Variants in TREH observed in about 807,000 individuals in gnomAD.
TREH encodes the protein alpha,alpha-trehalose glucohydrolase.
In TREH, 69 loss-of-function variants were observed where a neutral mutation model predicts 80.5. The observed-to-expected ratio is 0.86, with a 90% CI of 0.71 to 1.05. The LOEUF is 1.05. Among genes scored for constraint, TREH ranks in the 50% least tolerant of loss-of-function variants. The pLI is 0.00. For missense variants in TREH, 716 were observed against 718.8 expected (o/e 1.00, Z 0.04); for synonymous variants, 309 against 293.5 (o/e 1.05, Z -0.54).
rs1198593830 is a variant in TREH at position 118,658,449 on chromosome 11, A to G, written c.1600-8T>C. 3.1e-6 allele frequency: 5 copies of G among 1,610,178 alleles called. No homozygotes were observed. The highest frequency in any genetic ancestry group is 1.3e-5 in the African/African-American group (1 of 74,830). On this transcript the variant is annotated splice_region_variant and splice_polypyrimidine_tract_variant and intron_variant, in intron 14 of 14. Transcript: ENST00000264029. Reference sequence around the variant, plus strand: ...CGTCCAGCCAAATCCCTCCTGGGAGAGGCAGGGCAGTGGGGCCAGTTTCTG... The same window carrying G: ...CGTCCAGCCAAATCCCTCCTGGGAGGGGCAGGGCAGTGGGGCCAGTTTCTG...
chr11:118,661,085 C>T lies in TREH; in HGVS notation c.857+75G>A. The T allele has an allele frequency of 6.2e-7, 1 of 1,602,926 alleles. No individual in the cohort carries two copies. The highest frequency in any genetic ancestry group is 8.5e-7 in the Non-Finnish European group (1 of 1,173,170). On this transcript the variant is annotated intron_variant, in intron 8 of 14. Transcript: ENST00000264029. This position sits in a 1 kb window ranked among gnomAD's most constrained non-coding sequence, Gnocchi z 4.2. ...AGGCCAGGCTAAGTCACTCCTCCTC[C>T]TGCCCGGGGCATTGTGATGCTCTAA... is the stretch of plus-strand genomic sequence containing the variant.
intron 1 of TREH, among the ~76,000 whole-genome samples, chr11:118,679,245 G>A (rs656505): frequency 0.35 from 52,923 of 151,678 alleles, 9,509 homozygotes; most frequent in Admixed American, 0.48. Flanking sequence ...GCTGAGGCAC[G>A]AGAATCTCTC....
At chr11:118,667,270 C>T (rs1057377780) in intron 1 of TREH, among the ~76,000 whole-genome samples, 2 of 152,164 alleles carry the variant, frequency 1.3e-5, no homozygotes, top group Admixed American at 6.5e-5. Flanking sequence ...CCTCAATCTC[C>T]CAGGCCCAGG....
rs1555144045 is a variant in TREH at position 118,658,699 on chromosome 11, C to T, written c.1580G>A (p.Gly527Glu). The T allele has an allele frequency of 3.1e-6, 5 of 1,599,140 alleles. No homozygotes were observed. Among genetic ancestry groups the T allele is most frequent in the South Asian group, 2.2e-5 (2 of 89,080 alleles). The change falls in exon 14 of 15, where the codon GGA (glycine) becomes GAA (glutamate). Residue 527 changes from glycine (G) to glutamate (E), a missense_variant. Physicochemically the swap from Gly to Glu is moderately conservative, Grantham distance 98. Coordinates refer to ENST00000264029, the MANE Select transcript of TREH (RefSeq NM_007180.3). The part of the protein sequence containing the change: ...DVSNGGQPGG[G>E]GEYEVQEGFG... Reference sequence around the variant, plus strand: ...GCTCACCTGAACTTCATATTCTCCTCCCCCACCGGGCTGTCCACCGTTGCT... The same window carrying T: ...GCTCACCTGAACTTCATATTCTCCTTCCCCACCGGGCTGTCCACCGTTGCT...
rs782073737 is a variant in TREH, at chr11:118,658,712, GT to G, written c.1566del (p.Gln523SerfsTer22). ...MYEKYDVSNG[G>X]QPGGGGEYEV... ...TCATATTCTCCTCCCCCACCGGGCT[GT>G]CCACCGTTGCTGACGTCATACTGGG... On this transcript the variant is annotated frameshift_variant, in exon 14 of 15. Transcript: ENST00000264029. LOFTEE classifies it high-confidence loss of function. 3 of 1,604,208 alleles carry G rather than the reference GT, an allele frequency of 1.9e-6. No individual in the cohort carries two copies. The Admixed American group carries it at 5.1e-5, about 28-fold the overall frequency.
rs560231528 is a variant in TREH, at chr11:118,661,215, A to G, written c.802T>C (p.Leu268=). The change falls in exon 8 of 15, where the codon TTG becomes CTG. Residue 268 remains leucine (L), a synonymous_variant. Transcript: ENST00000264029. The surrounding 1 kb of genome is among the most constrained non-coding windows in gnomAD (Gnocchi z 4.2). The part of the protein sequence containing the change: ...WTKNRTVSVS[L]EGKNYLLNRY... ...TTCAGGAGGTAGTTCTTTCCCTCCAAGCTCACAGAGACAGTCCTGTTCTTG... is the reference window on the plus strand; with the variant it reads ...TTCAGGAGGTAGTTCTTTCCCTCCAGGCTCACAGAGACAGTCCTGTTCTTG... The G allele has an allele frequency of 3.8e-5, 61 of 1,614,004 alleles. No homozygotes were observed. The highest frequency in any genetic ancestry group is 1.6e-4 in the East Asian group (7 of 44,884).
rs1555144823 is a variant in TREH, at chr11:118,660,875, A to G, written c.898T>C (p.Leu300=). Residue 300 remains leucine (L), a synonymous_variant, in exon 9 of 15, where the codon TTG becomes CTG. Transcript: ENST00000264029. ...YSKDVELADT[L]PEGDREALWA... ...CCCTCCTGCTGCTCACCTTCTGGCA[A>G]GGTGTCAGCCAACTCCACATCTTTG... The G allele has an allele frequency of 5.7e-6, 9 of 1,569,472 alleles. No homozygotes were observed. Among genetic ancestry groups the G allele is most frequent in the Non-Finnish European group, 7.8e-6 (9 of 1,156,620 alleles).
rs879950577 is a variant in TREH at position 118,659,256 on chromosome 11, G to A, written c.1432+114C>T. The A allele has an allele frequency of 3.0e-5, 28 of 941,800 alleles. No individual in the cohort carries two copies. The South Asian group carries it at 3.1e-4, about 11-fold the overall frequency. The allele number at this position is 941,800 out of a possible 1,614,324, so 58.3% of individuals were successfully genotyped here. On this transcript the variant is annotated intron_variant, in intron 12 of 14. Transcript: ENST00000264029. ...GTGGAGGCCAGGAGAGCAGAGGAGCGAGAGAAAGGATACGGGGCCTCTTGT... is the reference window on the plus strand; with the variant it reads ...GTGGAGGCCAGGAGAGCAGAGGAGCAAGAGAAAGGATACGGGGCCTCTTGT...
At position 118,674,880 on chromosome 11, in the gene TREH, C is replaced by G. The variant is rs113941645; in HGVS notation, c.89+4659G>C. On this transcript the variant is annotated intron_variant, in intron 1 of 14. Transcript: ENST00000264029. The surrounding 1 kb of genome is among the most constrained non-coding windows in gnomAD (Gnocchi z 4.4). Reference sequence around the variant, plus strand: ...CTCTCAATCTCATTGCAGTGCCCATCAGGACTTCAGCAGGTGTTTTTGGTA... The same window carrying G: ...CTCTCAATCTCATTGCAGTGCCCATGAGGACTTCAGCAGGTGTTTTTGGTA... Among the ~76,000 whole-genome samples the G allele has an allele frequency of 0.016, 2,490 of 152,272 alleles. 41 individuals are homozygous for G. Among genetic ancestry groups the G allele is most frequent in the Non-Finnish European group, 0.028 (1,880 of 68,016 alleles).
intron 13 of TREH, 35 bp from the exon 14 acceptor site, chr11:118,658,768 T>C (rs1949261405): frequency 6.2e-7 from 1 of 1,610,478 alleles, no homozygotes; most frequent in African/African-American, 1.3e-5. Flanking sequence ...TGTCAGGTAC[T>C]GCCCCCCAGC....
Position 118,659,845 on chromosome 11 carries a change from T to A in TREH, c.1222A>T (p.Lys408Ter). The A allele has an allele frequency of 1.9e-6, 3 of 1,559,920 alleles. No homozygotes were observed. In the Admixed American group the frequency reaches 5.8e-5, roughly 30 times the overall value. The change falls in exon 11 of 15, where the codon AAG becomes TAG. Residue 408 changes from lysine (K) to a stop codon, truncating the protein, a stop_gained. Coordinates refer to ENST00000264029, the MANE Select transcript of TREH (RefSeq NM_007180.3). LOFTEE classifies it high-confidence loss of function. ...AWFDYDLEKK[K>*]KNREFYPSNL... ...GATGGGTAAAACTCCCGGTTTTTCT[T>A]CTTCTTCTCAAGGTCGTAATCGAAC... is the stretch of plus-strand genomic sequence containing the variant.
At chr11:118,675,072 G>T (rs34413584) in intron 1 of TREH, among the ~76,000 whole-genome samples, 48,157 of 151,776 alleles carry the variant, frequency 0.32, 7,986 homozygotes, top group Admixed American at 0.46. Flanking sequence ...CTCCCCAAAA[G>T]TTAGTGATCA....
intron 1 of TREH, among the ~76,000 whole-genome samples, chr11:118,671,647 A>C (rs1166643586): frequency 2.6e-5 from 4 of 152,214 alleles, no homozygotes; most frequent in African/African-American, 9.6e-5. Flanking sequence ...GGATAATAAC[A>C]GAGAACTTCC....
chr11:118,659,871 C>T lies in TREH; in HGVS notation c.1196G>A (p.Trp399Ter). The change falls in exon 11 of 15, where the codon TGG becomes TAG. Residue 399 changes from tryptophan to a stop codon, truncating the protein, a stop_gained. Transcript: ENST00000264029. LOFTEE classifies it high-confidence loss of function. ...TVLWDEQTGA[W>*]FDYDLEKKKK... ...CTTCTTCTCAAGGTCGTAATCGAACCAGGCTCCGGTCTGCTCATCCCACAG... is the reference window on the plus strand; with the variant it reads ...CTTCTTCTCAAGGTCGTAATCGAACTAGGCTCCGGTCTGCTCATCCCACAG... The T allele has an allele frequency of 1.9e-6, 3 of 1,552,524 alleles. No homozygotes were observed. Among genetic ancestry groups the T allele is most frequent in the Non-Finnish European group, 2.6e-6 (3 of 1,147,344 alleles).
chr11:118,661,516 A>G lies in TREH; in HGVS notation c.618-7T>C. Reference sequence around the variant, plus strand: ...ATTGGGGACATGCCCATAGCTGCCAAGGGGAAGGCCTGCTGAGATGCCCTC... The same window carrying G: ...ATTGGGGACATGCCCATAGCTGCCAGGGGGAAGGCCTGCTGAGATGCCCTC... On this transcript the variant is annotated splice_polypyrimidine_tract_variant and splice_region_variant and intron_variant, in intron 6 of 14. Transcript: ENST00000264029. This position sits in a 1 kb window ranked among gnomAD's most constrained non-coding sequence, Gnocchi z 4.2. 1 of 1,613,298 alleles carries G rather than the reference A, an allele frequency of 6.2e-7. No homozygotes were observed. Among genetic ancestry groups the G allele is most frequent in the Non-Finnish European group, 8.5e-7 (1 of 1,179,560 alleles).
chr11:118,673,255 CT>C lies in TREH; in HGVS notation c.89+6283del, dbSNP rs144636094. ...TGGTGGAGTATCTTTTGTTCTGACC[CT>C]TTTACAGTGTCAGTATTTTGAGCAT... On this transcript the variant is annotated intron_variant, in intron 1 of 14. Coordinates refer to ENST00000264029, the MANE Select transcript of TREH (RefSeq NM_007180.3). Among the ~76,000 whole-genome samples, 525 of 152,258 alleles carry C rather than the reference CT, an allele frequency of 3.4e-3. 3 individuals are homozygous for C. Among genetic ancestry groups the C allele is most frequent in the African/African-American group, 0.012 (497 of 41,550 alleles).
chr11:118,670,417 C>T (rs1949420342), intron 1 of TREH, among the ~76,000 whole-genome samples: 1 of 152,224 alleles, frequency 6.6e-6, no homozygotes. Context: ...AACAATTATG[C>T]TTTCCTGAGC....
At chr11:118,664,745 T>G (rs1173995257) in intron 1 of TREH, among the ~76,000 whole-genome samples, 1 of 151,128 alleles carries the variant, frequency 6.6e-6, no homozygotes, top group Non-Finnish European at 1.5e-5. Context: ...GAAAAGAGAG[T>G]CGAAACATTT....
At chr11:118,662,103 G>T in intron 4 of TREH, 113 bp from the exon 5 acceptor site, 1 of 809,854 alleles carries the variant, frequency 1.2e-6, no homozygotes, top group Non-Finnish European at 2.0e-6. Context: ...CAGGCAGTTG[G>T]GTTCAGCGCT....
Sources: gnomAD v4.1 joint callset for allele counts (sites outside exome capture counted in the v4.1 genomes callset) on GRCh38, gnomAD v4.1.1 for gene constraint, Gnocchi (gnomAD v3.1) non-coding constraint, MANE v1.5 for transcripts, NCBI Gene and HGNC (gene_info 2026-07-23, HGNC 2026-07-21) for gene names.